Variants in TMEM132D observed in about 807,000 individuals in gnomAD.
TMEM132D encodes the protein transmembrane protein 132D.
In TMEM132D, 21 loss-of-function variants were observed where a neutral mutation model predicts 62.3. The observed-to-expected ratio is 0.34, with a 90% CI of 0.24 to 0.49. The LOEUF is 0.49. Ranked by LOEUF, TMEM132D falls within the 20% of genes least tolerant of loss-of-function variation. The pLI is 0.99. For synonymous variants in TMEM132D, 621 were observed against 575.6 expected (o/e 1.08, Z -1.13); for missense variants, 1,346 against 1,402.8 (o/e 0.96, Z 0.65).
intron 1 of TMEM132D, among the ~76,000 whole-genome samples, chr12:129,746,866 C>T (rs1030638020): frequency 1.3e-5 from 2 of 152,078 alleles, no homozygotes; most frequent in African/African-American, 2.4e-5. Context: ...TGCTCAGCGA[C>T]GGTCATTCTC....
intron 1 of TMEM132D, among the ~76,000 whole-genome samples, chr12:129,832,202 T>G (rs1872865453): frequency 6.6e-6 from 1 of 151,388 alleles, no homozygotes; most frequent in African/African-American, 2.4e-5. Flanking sequence ...GTAGCATTTT[T>G]AAAGGGTTGG....
intron 2 of TMEM132D, among the ~76,000 whole-genome samples, chr12:129,542,093 C>T (rs1876598080): frequency 6.6e-6 from 1 of 152,208 alleles, no homozygotes; most frequent in Non-Finnish European, 1.5e-5. Context: ...ATCACCTCAG[C>T]AGAGCCAGCA....
chr12:129,523,054 G>A (rs557233977), intron 3 of TMEM132D, among the ~76,000 whole-genome samples: 2 of 152,050 alleles, frequency 1.3e-5, no homozygotes, highest in African/African-American at 4.8e-5. Flanking sequence ...TGCTACTGAC[G>A]GTTTCCATGC....
intron 4 of TMEM132D, among the ~76,000 whole-genome samples, chr12:129,313,897 G>A (rs937173353): frequency 1.3e-5 from 2 of 152,074 alleles, no homozygotes; most frequent in Non-Finnish European, 2.9e-5. Flanking sequence ...TTTTATTATT[G>A]TCATTCTTGG....
intron 3 of TMEM132D, among the ~76,000 whole-genome samples, chr12:129,430,299 G>A (rs997697041): frequency 2.0e-5 from 3 of 152,124 alleles, no homozygotes; most frequent in South Asian, 2.1e-4. Context: ...ATGGCATCTC[G>A]TTGTGGTTTT....
In TMEM132D at chr12:129,702,722, G is replaced by A. The variant is rs988291176; in HGVS notation, c.80-2024C>T. ...ATATGCCAGGGAGCAGAAATGACAC[G>A]CAAGGCTTTTTTCTCTGCTGTATTC... On this transcript the variant is annotated intron_variant, in intron 1 of 8. Coordinates refer to ENST00000422113, the MANE Select transcript of TMEM132D (RefSeq NM_133448.3). Among the ~76,000 whole-genome samples the A allele has an allele frequency of 6.6e-5, 10 of 152,174 alleles. No homozygotes were observed. The East Asian group carries it at 1.7e-3, about 26-fold the overall frequency.
chr12:129,555,353 C>T (rs983875880), intron 2 of TMEM132D, among the ~76,000 whole-genome samples: 1 of 152,124 alleles, frequency 6.6e-6, no homozygotes, highest in African/African-American at 2.4e-5. Flanking sequence ...CGGAACAAGC[C>T]TAAGGTGGGA....
At chr12:129,168,871 ACCCAACT>A (rs1877637808) in intron 5 of TMEM132D, among the ~76,000 whole-genome samples, 1 of 152,062 alleles carries the variant, frequency 6.6e-6, no homozygotes, top group African/African-American at 2.4e-5. Flanking sequence ...CTCAAACTCT[ACCCAACT>A]CCCATCACCA....
At chr12:129,344,057 T>C (rs1251320382) in intron 3 of TMEM132D, among the ~76,000 whole-genome samples, 2 of 152,248 alleles carry the variant, frequency 1.3e-5, no homozygotes, top group Non-Finnish European at 2.9e-5. Flanking sequence ...GCATTGTTCC[T>C]AGGGTGGACG....
chr12:129,404,277 C>T lies in TMEM132D; in HGVS notation c.1116-66460G>A, dbSNP rs184998735. 5.0e-3 allele frequency among the ~76,000 whole-genome samples: 757 copies of T among 152,206 alleles called. 3 individuals are homozygous for T. Among genetic ancestry groups the T allele is most frequent in the Admixed American group, 8.6e-3 (132 of 15,302 alleles). ...GCAGTGGTACGATCTCGGCTCACTG[C>T]AACCTCCACCTCCCGGGTTCAAGTG... On this transcript the variant is annotated intron_variant, in intron 3 of 8. Coordinates refer to ENST00000422113, the MANE Select transcript of TMEM132D (RefSeq NM_133448.3).
intron 3 of TMEM132D, among the ~76,000 whole-genome samples, chr12:129,513,975 C>G (rs867611296): frequency 6.6e-6 from 1 of 150,914 alleles, no homozygotes; most frequent in Non-Finnish European, 1.5e-5. Flanking sequence ...GTAGCTGGGA[C>G]TACAGGCGCC....
At chr12:129,869,037 A>G (rs75913069) in intron 1 of TMEM132D, among the ~76,000 whole-genome samples, 106 of 148,256 alleles carry the variant, frequency 7.1e-4, no homozygotes, top group African/African-American at 2.4e-3. Flanking sequence ...CCGGTTCCTC[A>G]GCCACTGTGT....
At chr12:129,570,173 C>A (rs970904908) in intron 2 of TMEM132D, among the ~76,000 whole-genome samples, 39 of 152,258 alleles carry the variant, frequency 2.6e-4, no homozygotes, top group African/African-American at 9.4e-4. Context: ...TAACAGAAGA[C>A]GATCTAGAAG....
Position 129,903,975 on chromosome 12 carries a change from G to T in TMEM132D, c.-636C>A. On this transcript the variant is annotated 5_prime_UTR_variant, in exon 1 of 9. Coordinates refer to ENST00000422113, the MANE Select transcript of TMEM132D (RefSeq NM_133448.3). This position sits in a 1 kb window ranked among gnomAD's most constrained non-coding sequence, Gnocchi z 6.2. ...CCCCGGCCGCCGCCTCGGCCCGCCCGGCCCCGGGCCCGGCTGGGGCTCGCG... is the reference window on the plus strand; with the variant it reads ...CCCCGGCCGCCGCCTCGGCCCGCCCTGCCCCGGGCCCGGCTGGGGCTCGCG... Among the ~76,000 whole-genome samples the T allele has an allele frequency of 6.7e-6, 1 of 148,724 alleles. No homozygotes were observed. Among genetic ancestry groups the T allele is most frequent in the Non-Finnish European group, 1.5e-5 (1 of 66,618 alleles).
At chr12:129,259,789 T>G (rs1880506142) in intron 4 of TMEM132D, among the ~76,000 whole-genome samples, 1 of 152,194 alleles carries the variant, frequency 6.6e-6, no homozygotes, top group African/African-American at 2.4e-5. Flanking sequence ...TCACATTATT[T>G]AGGAGCAAAG....
At chr12:129,413,135 G>A (rs1455352291) in intron 3 of TMEM132D, among the ~76,000 whole-genome samples, 3 of 152,100 alleles carry the variant, frequency 2.0e-5, no homozygotes, top group Admixed American at 6.6e-5. Context: ...TAAGTGATAT[G>A]GTCTGGCTGT....
intron 1 of TMEM132D, among the ~76,000 whole-genome samples, chr12:129,753,251 C>A (rs562457508): frequency 9.2e-5 from 14 of 152,290 alleles, no homozygotes; most frequent in Admixed American, 7.2e-4. Context: ...GGAGTGAAGG[C>A]CTCATGGGCG....
At chr12:129,549,638 G>A (rs918681056) in intron 2 of TMEM132D, among the ~76,000 whole-genome samples, 11 of 152,186 alleles carry the variant, frequency 7.2e-5, no homozygotes, top group East Asian at 1.9e-4. Flanking sequence ...TTACCCAGTC[G>A]CAGGTATGTC....
chr12:129,579,492 G>T (rs1877780319), intron 2 of TMEM132D, among the ~76,000 whole-genome samples: 1 of 152,178 alleles, frequency 6.6e-6, no homozygotes, highest in Admixed American at 6.5e-5. Flanking sequence ...CTCAAAAGTG[G>T]AGAAACCGAC....
Sources: gnomAD v4.1 joint callset for allele counts (sites outside exome capture counted in the v4.1 genomes callset) on GRCh38, gnomAD v4.1.1 for gene constraint, Gnocchi (gnomAD v3.1) non-coding constraint, MANE v1.5 for transcripts, NCBI Gene and HGNC (gene_info 2026-07-23, HGNC 2026-07-21) for gene names.